The following GNRHR variants were observed in gnomAD, a reference collection of about 807,000 sequenced individuals.
The protein encoded by GNRHR is gonadotropin releasing hormone receptor, also known as gonadotropin-releasing hormone receptor.
GNRHR carries 14 observed loss-of-function variants against 28.1 expected under a neutral mutation model. The observed-to-expected ratio is 0.50, with a 90% confidence interval of 0.33 to 0.78. GNRHR has a LOEUF of 0.78. GNRHR is among the 30% of genes least tolerant of loss of function. The pLI is 0.02. For synonymous variants in GNRHR, 141 were observed against 140.5 expected (o/e 1.00, Z -0.02); for missense variants, 366 against 382.1 (o/e 0.96, Z 0.35).
chr4:67,738,836 C>G lies in GNRHR; in HGVS notation c.*1644G>C, dbSNP rs116200291. 2.9e-3 allele frequency among the ~76,000 whole-genome samples: 436 copies of G among 151,660 alleles called. 3 individuals are homozygous for G. The highest frequency in any genetic ancestry group is 9.9e-3 in the African/African-American group (409 of 41,384). ...AGGTATGAGTTTAATGGAAAAGAAG[C>G]TATGAATGAAAGAGTGAGTAGACAG... On this transcript the variant is annotated 3_prime_UTR_variant, in exon 3 of 3. Coordinates refer to ENST00000226413, the MANE Select transcript of GNRHR (RefSeq NM_000406.3).
chr4:67,751,464 A>G (rs1405016908), intron 1 of GNRHR, among the ~76,000 whole-genome samples: 2 of 152,192 alleles, frequency 1.3e-5, no homozygotes, highest in Non-Finnish European at 2.9e-5. Context: ...TACAAAATAA[A>G]ATAACACCAT....
chr4:67,747,382 C>G (rs183818918), intron 1 of GNRHR: 188 of 160,630 alleles, frequency 1.2e-3, no homozygotes, highest in African/African-American at 4.5e-3. Context: ...GTTCTTGTGA[C>G]AAGTCTAATG....
chr4:67,746,442 T>C (rs1241161119), intron 1 of GNRHR, among the ~76,000 whole-genome samples: 1 of 152,070 alleles, frequency 6.6e-6, no homozygotes. Context: ...CATTTATTCA[T>C]TATTCCTCTA....
At chr4:67,749,406 T>C (rs1731826348) in intron 1 of GNRHR, among the ~76,000 whole-genome samples, 1 of 152,148 alleles carries the variant, frequency 6.6e-6, no homozygotes, top group South Asian at 2.1e-4. Flanking sequence ...ACAGATAAGC[T>C]ATGAACTCTT....
At chr4:67,749,804 G>A (rs1433163857) in intron 1 of GNRHR, among the ~76,000 whole-genome samples, 1 of 152,010 alleles carries the variant, frequency 6.6e-6, no homozygotes, top group African/African-American at 2.4e-5. Context: ...AGCAGAGTGA[G>A]TATGATAGCT....
chr4:67,749,669 C>T lies in GNRHR; in HGVS notation c.522+4145G>A, dbSNP rs1731830838. On this transcript the variant is annotated intron_variant, in intron 1 of 2. Transcript: ENST00000226413. ...CCTTTTTCCTCCCCTTCCCTCCTTT[C>T]CCTCCCTCCCTGCCTCCTTTCCTTC... is the stretch of plus-strand genomic sequence containing the variant. Among the ~76,000 whole-genome samples, 5 of 151,542 alleles carry T rather than the reference C, an allele frequency of 3.3e-5. No individual in the cohort carries two copies. In the South Asian group the frequency reaches 1.0e-3, roughly 32 times the overall value.
chr4:67,750,336 C>T (rs990231270), intron 1 of GNRHR, among the ~76,000 whole-genome samples: 2 of 152,126 alleles, frequency 1.3e-5, no homozygotes, highest in African/African-American at 4.8e-5. Context: ...CTATTTTAAC[C>T]AGAGCAGCTC....
Position 67,740,558 on chromosome 4 carries a change from T to G in GNRHR, c.909A>C (p.Pro303=), listed in dbSNP as rs1334582087. The G allele has an allele frequency of 1.2e-6, 2 of 1,607,730 alleles. No homozygotes were observed. Among genetic ancestry groups the G allele is most frequent in the Admixed American group, 1.7e-5 (1 of 60,002 alleles). ...CAAAGAGAAAGAAGAAGTGATTTAC[T>G]GGGTCTGACAACCTGTTTAACATTT... The part of the protein sequence containing the change: ...DPEMLNRLSD[P]VNHFFFLFAF... The change falls in exon 3 of 3, where the codon CCA becomes CCC. Residue 303 remains proline (P), a synonymous_variant. Coordinates refer to ENST00000226413, the MANE Select transcript of GNRHR (RefSeq NM_000406.3).
intron 1 of GNRHR, among the ~76,000 whole-genome samples, chr4:67,750,241 T>A (rs1731841900): frequency 6.6e-6 from 1 of 152,080 alleles, no homozygotes; most frequent in Admixed American, 6.6e-5. Flanking sequence ...GCTTTTGAAC[T>A]TTGCTGCAAG....
chr4:67,749,953 C>T (rs896100726), intron 1 of GNRHR, among the ~76,000 whole-genome samples: 2 of 151,932 alleles, frequency 1.3e-5, no homozygotes, highest in Non-Finnish European at 2.9e-5. Context: ...TATTTCTGTA[C>T]TTTTTCTTTC....
At chr4:67,748,147 A>C (rs186486546) in intron 1 of GNRHR, among the ~76,000 whole-genome samples, 140 of 152,206 alleles carry the variant, frequency 9.2e-4, no homozygotes, top group Middle Eastern at 3.4e-3. Context: ...TGTTTTTCAC[A>C]GTCAATTGCA....
At chr4:67,750,590 T>C (rs2109986321) in intron 1 of GNRHR, among the ~76,000 whole-genome samples, 1 of 152,186 alleles carries the variant, frequency 6.6e-6, no homozygotes, top group Admixed American at 6.5e-5. Flanking sequence ...AGGTTAATAA[T>C]GAGGAAAGTG....
At chr4:67,744,519 G>C in intron 2 of GNRHR, 49 bp downstream of exon 2, 2 of 1,041,470 alleles carry the variant, frequency 1.9e-6, no homozygotes, top group Middle Eastern at 4.1e-4. Flanking sequence ...TTTGAGCATT[G>C]CTATTTAAAA....
chr4:67,740,957 T>A (rs774563979), intron 2 of GNRHR, among the ~76,000 whole-genome samples: 61 of 152,330 alleles, frequency 4.0e-4, no homozygotes, highest in Non-Finnish European at 7.5e-4. Flanking sequence ...GCCAAAGTAA[T>A]CTGGATTTGA....
chr4:67,739,457 C>G lies in GNRHR; in HGVS notation c.*1023G>C, dbSNP rs1198101323. 1 of 152,044 alleles carries G rather than the reference C, an allele frequency of 6.6e-6. No individual in the cohort carries two copies. The highest frequency in any genetic ancestry group is 1.5e-5 in the Non-Finnish European group (1 of 67,928). The allele number at this position is 152,044 out of a possible 1,614,324, so 9.4% of individuals were successfully genotyped here. A position where few individuals can be genotyped will look rare whatever the true frequency, so the allele number is the denominator to read the frequency against. ...CCTGCATCAAGATCTTTCCCTCCTT[C>G]CCCTGACATGTTCTGTCTTCTTTGA... On this transcript the variant is annotated 3_prime_UTR_variant, in exon 3 of 3. Transcript: ENST00000226413.
intron 2 of GNRHR, among the ~76,000 whole-genome samples, chr4:67,743,378 T>A (rs2109982721): frequency 6.6e-6 from 1 of 152,300 alleles, no homozygotes; most frequent in Non-Finnish European, 1.5e-5. Context: ...CCACAACATG[T>A]CATGCTTTTT....
At chr4:67,748,768 TA>T (rs139762622) in intron 1 of GNRHR, among the ~76,000 whole-genome samples, 2,436 of 146,916 alleles carry the variant, frequency 0.017, 30 homozygotes, top group Admixed American at 0.027. Flanking sequence ...CTCTGACTGT[TA>T]AAAAAAAAAG....
At chr4:67,742,311 C>T (rs1560516864) in intron 2 of GNRHR, among the ~76,000 whole-genome samples, 1 of 152,154 alleles carries the variant, frequency 6.6e-6, no homozygotes, top group Non-Finnish European at 1.5e-5. Context: ...AATAGGATGT[C>T]CTTTCCCCAC....
intron 1 of GNRHR, among the ~76,000 whole-genome samples, chr4:67,749,628 C>T (rs556330629): frequency 4.1e-4 from 62 of 151,822 alleles, no homozygotes; most frequent in African/African-American, 1.4e-3. Flanking sequence ...CTTCGTTTTT[C>T]TTTTCTACCT....
Sources: allele counts gnomAD v4.1 joint callset (sites outside exome capture counted in the v4.1 genomes callset), GRCh38; gene constraint gnomAD v4.1.1; transcripts MANE v1.5; gene names NCBI Gene and HGNC (gene_info 2026-07-23, HGNC 2026-07-21).